CXCL13: variants seen among roughly 807,000 people sequenced by gnomAD.
CXCL13 encodes the protein C-X-C motif chemokine ligand 13.
In CXCL13, 7 loss-of-function variants were observed where a neutral mutation model predicts 12.2. The ratio of observed to expected loss-of-function variants is 0.57; its 90% CI spans 0.33 to 1.07. The LOEUF (loss-of-function observed/expected upper bound fraction) is 1.07. Among genes scored for constraint, CXCL13 ranks in the 50% least tolerant of loss-of-function variants. The pLI is 0.04. For synonymous variants in CXCL13, 47 were observed against 42.4 expected (o/e 1.11, Z -0.42); for missense variants, 113 against 127.4 (o/e 0.89, Z 0.55).
At chr4:77,533,891 T>A (rs760726472) in intron 1 of CXCL13, among the ~76,000 whole-genome samples, 31 of 152,208 alleles carry the variant, frequency 2.0e-4, no homozygotes, top group Admixed American at 1.4e-3. Flanking sequence ...AAAAGTGCAG[T>A]ATTAGGGTGA....
intron 1 of CXCL13, 96 bp downstream of exon 1, chr4:77,606,025 C>A: frequency 1.3e-6 from 1 of 764,502 alleles, no homozygotes; most frequent in South Asian, 2.8e-5. Flanking sequence ...GGAAGTCTGA[C>A]TAAAGGGGGA....
chr4:77,546,503 C>A (rs1039655956), intron 1 of CXCL13, among the ~76,000 whole-genome samples: 1 of 152,148 alleles, frequency 6.6e-6, no homozygotes, highest in Non-Finnish European at 1.5e-5. Flanking sequence ...GGAATTTGTC[C>A]ATTTCTTCCA....
At chr4:77,569,835 G>A (rs1312078658) in intron 1 of CXCL13, among the ~76,000 whole-genome samples, 1 of 152,102 alleles carries the variant, frequency 6.6e-6, no homozygotes, top group African/African-American at 2.4e-5. Flanking sequence ...TAAACAAAGT[G>A]AAAAAACCTG....
intron 1 of CXCL13, among the ~76,000 whole-genome samples, chr4:77,516,461 A>G (rs953919985): frequency 6.6e-6 from 1 of 152,184 alleles, no homozygotes; most frequent in Non-Finnish European, 1.5e-5. Flanking sequence ...TGGGTAAGCT[A>G]TTGATTATTG....
intron 2 of CXCL13, 124 bp from the exon 3 acceptor site, chr4:77,610,490 C>A: frequency 1.4e-6 from 1 of 733,508 alleles, no homozygotes; most frequent in Non-Finnish European, 2.3e-6. Context: ...AGATCCCAAA[C>A]TGCCCAGCTC....
At chr4:77,527,901 G>A (rs1426456825) in intron 1 of CXCL13, among the ~76,000 whole-genome samples, 2 of 151,958 alleles carry the variant, frequency 1.3e-5, no homozygotes, top group Non-Finnish European at 2.9e-5. Context: ...TTAACATTAG[G>A]TATATCTCCT....
At chr4:77,566,232 G>A (rs1725922096) in intron 1 of CXCL13, among the ~76,000 whole-genome samples, 1 of 152,140 alleles carries the variant, frequency 6.6e-6, no homozygotes, top group Admixed American at 6.5e-5. Context: ...ATAAACTAAA[G>A]CCTAACTAGA....
At chr4:77,545,406 G>A (rs994422897) in intron 1 of CXCL13, among the ~76,000 whole-genome samples, 8 of 152,048 alleles carry the variant, frequency 5.3e-5, no homozygotes, top group Non-Finnish European at 1.2e-4. Context: ...ATTTGATTGT[G>A]TCCTCTTTTA....
intron 1 of CXCL13, among the ~76,000 whole-genome samples, chr4:77,524,699 G>C (rs2110081677): frequency 6.6e-6 from 1 of 152,262 alleles, no homozygotes; most frequent in South Asian, 2.1e-4. Context: ...GTCCCACCCT[G>C]CTTCAGCTCA....
chr4:77,546,664 A>G (rs1314390655), intron 1 of CXCL13, among the ~76,000 whole-genome samples: 1 of 151,784 alleles, frequency 6.6e-6, no homozygotes, highest in Non-Finnish European at 1.5e-5. Flanking sequence ...CTAGCGGTCT[A>G]TTTTGTTGAT....
chr4:77,610,560 T>G, intron 2 of CXCL13, 54 bp from the exon 3 acceptor site: 1 of 1,307,494 alleles, frequency 7.6e-7, no homozygotes, highest in South Asian at 1.2e-5. Context: ...TTATTAAAAG[T>G]ATAGGATTGA....
intron 1 of CXCL13, among the ~76,000 whole-genome samples, chr4:77,561,322 C>T (rs61251130): frequency 0.055 from 8,360 of 152,052 alleles, 727 homozygotes; most frequent in African/African-American, 0.19. Context: ...GCAGGTAATT[C>T]CTATCAATAT....
At chr4:77,522,899 G>A (rs1163012190) in intron 1 of CXCL13, among the ~76,000 whole-genome samples, 1 of 152,114 alleles carries the variant, frequency 6.6e-6, no homozygotes, top group African/African-American at 2.4e-5. Flanking sequence ...TGTAAGGCAG[G>A]CCTGGTGGTG....
At chr4:77,519,568 T>C (rs980568612) in intron 1 of CXCL13, among the ~76,000 whole-genome samples, 4 of 152,202 alleles carry the variant, frequency 2.6e-5, no homozygotes, top group African/African-American at 9.7e-5. Context: ...TGGGGTTGTT[T>C]TTTTCTCATG....
intron 1 of CXCL13, among the ~76,000 whole-genome samples, chr4:77,550,723 C>G (rs1725496997): frequency 1.3e-5 from 2 of 152,078 alleles, no homozygotes; most frequent in Admixed American, 1.3e-4. Flanking sequence ...TGTTAAAATT[C>G]CCCAATATTA....
chr4:77,587,580 A>G (rs1308342572), intron 1 of CXCL13, among the ~76,000 whole-genome samples: 1 of 152,216 alleles, frequency 6.6e-6, no homozygotes, highest in Non-Finnish European at 1.5e-5. Context: ...ATCATGATTC[A>G]ACTTCCACTG....
intron 1 of CXCL13, among the ~76,000 whole-genome samples, chr4:77,593,553 A>C (rs1172408907): frequency 1.3e-5 from 2 of 152,270 alleles, no homozygotes; most frequent in African/African-American, 4.8e-5. Flanking sequence ...AGCAATGATG[A>C]GATAGAAAAC....
chr4:77,519,092 G>A lies in CXCL13; in HGVS notation c.-43+7304G>A, dbSNP rs149025937. 7.1e-3 allele frequency among the ~76,000 whole-genome samples: 1,083 copies of A among 152,312 alleles called. 58 individuals are homozygous for A. The East Asian group carries it at 0.12, about 17-fold the overall frequency. The stretch of plus-strand genomic sequence containing the variant: ...TGTTTGCCTGGGTATCAGCAGCGGT[G>A]TCTGCAGAGCAGTGGTTTTTTGTGA... On this transcript the variant is annotated intron_variant, in intron 1 of 4. Coordinates refer to the CXCL13 transcript ENST00000286758.
chr4:77,605,981 A>C (rs528808494), intron 1 of CXCL13, 52 bp downstream of exon 1: 2 of 1,326,132 alleles, frequency 1.5e-6, no homozygotes, highest in East Asian at 2.4e-5. Flanking sequence ...ATAGTCTTTA[A>C]CCACTTCAAT....
Sources: gnomAD v4.1 joint callset for allele counts (sites outside exome capture counted in the v4.1 genomes callset) on GRCh38, gnomAD v4.1.1 for gene constraint, MANE v1.5 for transcripts, NCBI Gene and HGNC (gene_info 2026-07-23, HGNC 2026-07-21) for gene names.